Variants in BRINP3 observed in about 807,000 individuals in gnomAD.
BRINP3 encodes BMP/retinoic acid inducible neural specific 3, also known as BMP/retinoic acid-inducible neural-specific protein 3.
A neutral mutation model predicts 71.0 loss-of-function variants in BRINP3; 19 were observed. The observed-to-expected ratio is 0.27, with a 90% CI of 0.19 to 0.39. The LOEUF (loss-of-function observed/expected upper bound fraction) is 0.39. Ranked by LOEUF, BRINP3 falls within the 10% of genes least tolerant of loss-of-function variation. BRINP3 has a pLI of 1.00. For synonymous variants in BRINP3, 380 were observed against 337.7 expected (o/e 1.13, Z -1.37); for missense variants, 959 against 940.8 (o/e 1.02, Z -0.25).
chr1:190,207,691 A>G (rs951519136), intron 6 of BRINP3, among the ~76,000 whole-genome samples: 2 of 152,152 alleles, frequency 1.3e-5, no homozygotes, highest in Non-Finnish European at 2.9e-5. Flanking sequence ...AATAATTGCT[A>G]TGAGTCATGT....
chr1:190,369,245 T>G (rs988875632), intron 2 of BRINP3, among the ~76,000 whole-genome samples: 1 of 152,144 alleles, frequency 6.6e-6, no homozygotes, highest in Non-Finnish European at 1.5e-5. Context: ...CATATTTCAG[T>G]GCGAATAGGT....
In BRINP3 at chr1:190,374,648, C is replaced by T. The variant is rs575077293; in HGVS notation, c.236+80007G>A. Reference sequence around the variant, plus strand: ...GAAATCAATAACCTTCATGTATAGACACAAAGACCCATAGAAGACATAATG... The same window carrying T: ...GAAATCAATAACCTTCATGTATAGATACAAAGACCCATAGAAGACATAATG... On this transcript the variant is annotated intron_variant, in intron 2 of 7. Transcript: ENST00000367462. 3.3e-5 allele frequency among the ~76,000 whole-genome samples: 5 copies of T among 151,876 alleles called. No individual in the cohort carries two copies. The East Asian group carries it at 9.7e-4, about 29-fold the overall frequency.
At chr1:190,362,085 T>C (rs1374608794) in intron 2 of BRINP3, 1 of 152,172 alleles carries the variant, frequency 6.6e-6, no homozygotes, top group Non-Finnish European at 1.5e-5. Flanking sequence ...TACAGTGAGA[T>C]GGCAGCAGCC....
chr1:190,194,010 C>T (rs1226387379), intron 6 of BRINP3, among the ~76,000 whole-genome samples: 2 of 152,058 alleles, frequency 1.3e-5, no homozygotes, highest in Non-Finnish European at 2.9e-5. Flanking sequence ...GTAAATCTCT[C>T]CTCCCTATTG....
chr1:190,459,081 A>T (rs1676205844), intron 1 of BRINP3, among the ~76,000 whole-genome samples: 1 of 151,540 alleles, frequency 6.6e-6, no homozygotes, highest in Non-Finnish European at 1.5e-5. Context: ...ATATTGAAAT[A>T]TCTATTTGAA....
intron 2 of BRINP3, among the ~76,000 whole-genome samples, chr1:190,427,014 T>A (rs1673751500): frequency 6.6e-6 from 1 of 151,892 alleles, no homozygotes; most frequent in Non-Finnish European, 1.5e-5. Flanking sequence ...AACTCTCTTA[T>A]CTTTACACTT....
At chr1:190,447,545 T>C (rs13375669) in intron 2 of BRINP3, among the ~76,000 whole-genome samples, 3 of 146,580 alleles carry the variant, frequency 2.0e-5, no homozygotes, top group Non-Finnish European at 3.0e-5. Flanking sequence ...ATATATAAAA[T>C]ATATATATAT....
chr1:190,420,842 T>G (rs926250561), intron 2 of BRINP3, among the ~76,000 whole-genome samples: 2 of 151,820 alleles, frequency 1.3e-5, no homozygotes, highest in African/African-American at 4.8e-5. Flanking sequence ...TAAAGGAGAA[T>G]GTTAGAAAAA....
At chr1:190,419,589 A>G (rs888781412) in intron 2 of BRINP3, among the ~76,000 whole-genome samples, 1 of 151,934 alleles carries the variant, frequency 6.6e-6, no homozygotes, top group Admixed American at 6.6e-5. Context: ...GCTGACACCA[A>G]GTGAACAAAG....
chr1:190,363,924 T>C (rs957224419), intron 2 of BRINP3, among the ~76,000 whole-genome samples: 1 of 152,098 alleles, frequency 6.6e-6, no homozygotes, highest in Admixed American at 6.6e-5. Flanking sequence ...CAGATTTGAA[T>C]TGATGGGTGA....
intron 2 of BRINP3, among the ~76,000 whole-genome samples, chr1:190,316,965 G>C (rs908698192): frequency 6.6e-6 from 1 of 151,864 alleles, no homozygotes; most frequent in Non-Finnish European, 1.5e-5. Flanking sequence ...CTGAGGTCAG[G>C]AGTTCAAGAC....
At chr1:190,472,297 G>C (rs1048956837) in intron 1 of BRINP3, among the ~76,000 whole-genome samples, 6 of 151,564 alleles carry the variant, frequency 4.0e-5, no homozygotes, top group Admixed American at 6.6e-5. Flanking sequence ...AATTCAGGAA[G>C]GAAGTCTACG....
intron 7 of BRINP3, among the ~76,000 whole-genome samples, chr1:190,105,672 T>C (rs962155249): frequency 3.9e-5 from 6 of 152,084 alleles, no homozygotes; most frequent in Non-Finnish European, 7.4e-5. Flanking sequence ...CTTATCGTCA[T>C]GAACTGATGT....
intron 2 of BRINP3, among the ~76,000 whole-genome samples, chr1:190,334,063 T>A (rs1421217189): frequency 4.0e-5 from 6 of 151,856 alleles, no homozygotes; most frequent in Non-Finnish European, 8.8e-5. Flanking sequence ...CACCTCACAT[T>A]TATACACATA....
chr1:190,215,665 T>C (rs933229471), intron 6 of BRINP3, among the ~76,000 whole-genome samples: 3 of 151,918 alleles, frequency 2.0e-5, no homozygotes, highest in African/African-American at 7.2e-5. Context: ...AGAAAGATTA[T>C]CTATTTTCAG....
chr1:190,193,668 G>T (rs1055843783), intron 6 of BRINP3, among the ~76,000 whole-genome samples: 1 of 152,000 alleles, frequency 6.6e-6, no homozygotes, highest in Non-Finnish European at 1.5e-5. Context: ...ATTTATGAAT[G>T]ATTATAAACT....
chr1:190,433,364 G>A (rs997658600), intron 2 of BRINP3, among the ~76,000 whole-genome samples: 2 of 152,116 alleles, frequency 1.3e-5, no homozygotes, highest in South Asian at 2.1e-4. Context: ...AAGCCTCTAC[G>A]ATCTACTTTC....
chr1:190,125,852 G>A (rs1654044493), intron 7 of BRINP3, among the ~76,000 whole-genome samples: 1 of 151,952 alleles, frequency 6.6e-6, no homozygotes, highest in Admixed American at 6.6e-5. Context: ...CCTCCATAGG[G>A]AAGAAGCAGG....
intron 4 of BRINP3, among the ~76,000 whole-genome samples, chr1:190,247,719 G>A (rs544780095): frequency 1.8e-4 from 27 of 150,622 alleles, no homozygotes; most frequent in Non-Finnish European, 3.0e-4. Flanking sequence ...TTTTCTTTTC[G>A]TCCCACATGT....
Sources: allele counts gnomAD v4.1 joint callset (sites outside exome capture counted in the v4.1 genomes callset), GRCh38; gene constraint gnomAD v4.1.1; transcripts MANE v1.5; gene names NCBI Gene and HGNC (gene_info 2026-07-23, HGNC 2026-07-21).